PPP4R3A: variants seen among roughly 807,000 people sequenced by gnomAD.
PPP4R3A encodes protein phosphatase 4 regulatory subunit 3A.
Under a neutral mutation model 91.7 loss-of-function variants are expected in PPP4R3A, and 15 were observed. That is an observed-to-expected ratio of 0.16 (90% CI 0.11 to 0.25). PPP4R3A has a LOEUF of 0.25. Ranked by LOEUF, PPP4R3A falls within the 10% of genes least tolerant of loss-of-function variation. The pLI is 1.00. For missense variants in PPP4R3A, 623 were observed against 998.4 expected (o/e 0.62, Z 5.07); for synonymous variants, 377 against 348.7 (o/e 1.08, Z -0.91).
chr14:91,480,828 G>A (rs889134239), intron 4 of PPP4R3A, among the ~76,000 whole-genome samples: 1 of 152,096 alleles, frequency 6.6e-6, no homozygotes, highest in Non-Finnish European at 1.5e-5. Context: ...TTGAAGCCAG[G>A]AGTTTGAGAC....
chr14:91,481,668 G>A lies in PPP4R3A; in HGVS notation c.823C>T (p.Leu275=). The A allele has an allele frequency of 6.2e-7, 1 of 1,612,862 alleles. No individual in the cohort carries two copies. The highest frequency in any genetic ancestry group is 8.5e-7 in the Non-Finnish European group (1 of 1,179,750). Residue 275 remains leucine (L), a synonymous_variant, in exon 4 of 15, where the codon CTA becomes TTA. Coordinates refer to ENST00000554943, the MANE Select transcript of PPP4R3A (RefSeq NM_001366432.2). ...TCTTCAAAGACCGAAGGAGTTGGTA[G>A]AACCATATCTTGTATATACTGAACT... ...YRVQYIQDMV[L]PTPSVFEENM...
intron 1 of PPP4R3A, among the ~76,000 whole-genome samples, chr14:91,499,615 G>A (rs1209403236): frequency 6.6e-6 from 1 of 151,954 alleles, no homozygotes; most frequent in Non-Finnish European, 1.5e-5. Flanking sequence ...AAGGTCAGGA[G>A]TTCAAGACCA....
intron 1 of PPP4R3A, among the ~76,000 whole-genome samples, chr14:91,504,566 C>T (rs1372608064): frequency 1.3e-5 from 2 of 150,886 alleles, no homozygotes; most frequent in Non-Finnish European, 1.5e-5. Context: ...TGTGCCATTG[C>T]ACTCCGGCCT....
At chr14:91,487,320 T>C (rs796346206) in intron 2 of PPP4R3A, among the ~76,000 whole-genome samples, 14 of 150,854 alleles carry the variant, frequency 9.3e-5, no homozygotes, top group African/African-American at 3.4e-4. Context: ...TACTGTTTGA[T>C]AGCAATCAAC....
intron 1 of PPP4R3A, among the ~76,000 whole-genome samples, chr14:91,509,285 C>T: frequency 6.6e-6 from 1 of 152,194 alleles, no homozygotes; most frequent in East Asian, 1.9e-4. Context: ...CTCCTCGTAC[C>T]CAAAATGCCA....
At chr14:91,486,183 A>G (rs1277559458) in intron 2 of PPP4R3A, among the ~76,000 whole-genome samples, 1 of 151,950 alleles carries the variant, frequency 6.6e-6, no homozygotes, top group Admixed American at 6.6e-5. Flanking sequence ...TCTGAGGTCC[A>G]TGAAGCCCTT....
At chr14:91,474,699 T>C (rs1014379442) in intron 7 of PPP4R3A, 1 of 151,878 alleles carries the variant, frequency 6.6e-6, no homozygotes, top group Non-Finnish European at 1.5e-5. Flanking sequence ...CATAGCTCAC[T>C]GCAGAGTCAA....
At chr14:91,497,948 T>A (rs1169072132) in intron 1 of PPP4R3A, among the ~76,000 whole-genome samples, 1 of 151,988 alleles carries the variant, frequency 6.6e-6, no homozygotes, top group Non-Finnish European at 1.5e-5. Context: ...CACCATTAAT[T>A]CTCTCAGAGT....
intron 1 of PPP4R3A, among the ~76,000 whole-genome samples, chr14:91,495,281 TACC>T (rs1890468812): frequency 7.6e-6 from 1 of 132,266 alleles, no homozygotes; most frequent in Middle Eastern, 3.8e-3. Flanking sequence ...CATCATAAAA[TACC>T]ACATGTCCAG....
At chr14:91,469,211 G>A (rs1888690064) in intron 10 of PPP4R3A, among the ~76,000 whole-genome samples, 1 of 151,746 alleles carries the variant, frequency 6.6e-6, no homozygotes, top group Admixed American at 6.6e-5. Flanking sequence ...TGGAACACTA[G>A]GCATAAATGG....
At position 91,471,013 on chromosome 14, in the gene PPP4R3A, CAACT is replaced by C. The variant is rs1479096825; in HGVS notation, c.1502-22_1502-19del. 2 of 1,564,290 alleles carry C rather than the reference CAACT, an allele frequency of 1.3e-6. No individual in the cohort carries two copies. Among genetic ancestry groups the C allele is most frequent in the Non-Finnish European group, 1.7e-6 (2 of 1,162,794 alleles). The stretch of plus-strand genomic sequence containing the variant: ...AAAATCATCTAAAAGAAACAAAACA[CAACT>C]AATTATATTTAATGACTAACATTTT... On this transcript the variant is annotated intron_variant, in intron 9 of 14. Transcript: ENST00000554943.
chr14:91,496,468 T>C (rs1319821066), intron 1 of PPP4R3A, among the ~76,000 whole-genome samples: 2 of 152,116 alleles, frequency 1.3e-5, no homozygotes, highest in Non-Finnish European at 2.9e-5. Flanking sequence ...TAATCCCTAA[T>C]AGCAATTATT....
chr14:91,479,211 G>A (rs1163306147), intron 4 of PPP4R3A, among the ~76,000 whole-genome samples: 3 of 151,712 alleles, frequency 2.0e-5, no homozygotes, highest in South Asian at 2.1e-4. Flanking sequence ...TCGAACTCCC[G>A]ACCTCAAGTG....
At chr14:91,483,659 T>C (rs561962231) in intron 3 of PPP4R3A, among the ~76,000 whole-genome samples, 8 of 152,248 alleles carry the variant, frequency 5.3e-5, no homozygotes, top group African/African-American at 1.9e-4. Context: ...ACATTTAATA[T>C]CTCAGAGAGC....
intron 14 of PPP4R3A, among the ~76,000 whole-genome samples, chr14:91,460,239 T>G (rs141508925): frequency 3.9e-5 from 6 of 152,192 alleles, no homozygotes; most frequent in African/African-American, 9.6e-5. Context: ...GTCTCGGATC[T>G]CCTGACCTCG....
chr14:91,462,836 G>A lies in PPP4R3A; in HGVS notation c.1872C>T (p.Tyr624=), dbSNP rs750478772. 4 of 1,605,700 alleles carry A rather than the reference G, an allele frequency of 2.5e-6. No individual in the cohort carries two copies. Among genetic ancestry groups the A allele is most frequent in the Admixed American group, 1.7e-5 (1 of 59,848 alleles). The change falls in exon 12 of 15, where the codon TAC becomes TAT. Residue 624 remains tyrosine (Y), a synonymous_variant. Transcript: ENST00000554943. ...AATCTACATCTTCCAGTGCTTTCCA[G>A]TAATTTTCAATTACATGAGCAGTTA... is the stretch of plus-strand genomic sequence containing the variant. ...KSLTAHVIEN[Y]WKALEDVDYV...
At chr14:91,498,554 G>A (rs1460882531) in intron 1 of PPP4R3A, among the ~76,000 whole-genome samples, 1 of 152,140 alleles carries the variant, frequency 6.6e-6, no homozygotes, top group Non-Finnish European at 1.5e-5. Flanking sequence ...ATCTAGCTGG[G>A]CGTGGTGGCA....
rs73327627 is a variant in PPP4R3A at position 91,490,811 on chromosome 14, C to T, written c.143-9G>A. 179 of 1,595,190 alleles carry T rather than the reference C, an allele frequency of 1.1e-4. No individual in the cohort carries two copies. In the African/African-American group the frequency reaches 2.3e-3, roughly 21 times the overall value. On this transcript the variant is annotated splice_polypyrimidine_tract_variant and intron_variant, in intron 1 of 14. Transcript: ENST00000554943. ...CTCTAAAAGTAGAGAACCTAGGAAA[C>T]AGAAAAAGACATTCCATTATGTTAC...
rs1177090576 is a variant in PPP4R3A, at chr14:91,505,460, AC to A, written c.142+4045del. Among the ~76,000 whole-genome samples the A allele has an allele frequency of 2.6e-4, 40 of 151,648 alleles. 1 individual carries two copies. The highest frequency in any genetic ancestry group is 8.5e-4 in the African/African-American group (35 of 41,316). On this transcript the variant is annotated intron_variant, in intron 1 of 14. Transcript: ENST00000554943. ...GATTCTGCCTAAAAAAAAAAAAAAA[AC>A]ACACACCATTTATTTCACAGGTATG...
Sources: gnomAD v4.1 joint callset for allele counts (sites outside exome capture counted in the v4.1 genomes callset) on GRCh38, gnomAD v4.1.1 for gene constraint, MANE v1.5 for transcripts, NCBI Gene and HGNC (gene_info 2026-07-23, HGNC 2026-07-21) for gene names.